The following HNRNPR variants were observed in gnomAD, a reference collection of about 807,000 sequenced individuals.
The protein encoded by HNRNPR is heterogeneous nuclear ribonucleoprotein R.
HNRNPR carries 4 observed loss-of-function variants against 70.3 expected under a neutral mutation model. That is an observed-to-expected ratio of 0.06 (90% CI 0.03 to 0.13). HNRNPR has a LOEUF of 0.13. Ranked by LOEUF, HNRNPR falls within the 10% of genes least tolerant of loss-of-function variation. HNRNPR has a pLI of 1.00. For synonymous variants in HNRNPR, 241 were observed against 267.6 expected, an observed-to-expected ratio of 0.90 and a Z score of 0.97; for missense variants, 423 against 788.5, an observed-to-expected ratio of 0.54 and a Z score of 5.55.
At chr1:23,336,592 A>G (rs2148474081) in intron 4 of HNRNPR, among the ~76,000 whole-genome samples, 1 of 149,412 alleles carries the variant, frequency 6.7e-6, no homozygotes, top group East Asian at 1.9e-4. Context: ...AAAAAAAAAA[A>G]AAAAAAAATT....
chr1:23,341,242 T>C (rs1646694588), intron 1 of HNRNPR, among the ~76,000 whole-genome samples: 1 of 152,194 alleles, frequency 6.6e-6, no homozygotes. Context: ...GAACTTCATG[T>C]ACACCGGGTA....
At chr1:23,320,707 G>A (rs1010704061) in intron 7 of HNRNPR, among the ~76,000 whole-genome samples, 1 of 151,940 alleles carries the variant, frequency 6.6e-6, no homozygotes, top group African/African-American at 2.4e-5. Flanking sequence ...GATCACAATT[G>A]GCATTTTAAA....
chr1:23,325,162 T>C (rs1300993173), intron 5 of HNRNPR, among the ~76,000 whole-genome samples: 1 of 152,072 alleles, frequency 6.6e-6, no homozygotes, highest in Non-Finnish European at 1.5e-5. Context: ...AAAAATTTTA[T>C]ATTAAAACAT....
intron 5 of HNRNPR, among the ~76,000 whole-genome samples, chr1:23,331,020 T>C (rs1289969325): frequency 6.6e-6 from 1 of 152,218 alleles, no homozygotes; most frequent in Non-Finnish European, 1.5e-5. Flanking sequence ...CACAATCTCA[T>C]GAACTTTAAC....
chr1:23,311,280 T>C lies in HNRNPR; in HGVS notation c.1210A>G (p.Ile404Val), dbSNP rs1260074434. Residue 404 changes from isoleucine (I) to valine (V), a missense_variant, in exon 10 of 11, where the codon ATT becomes GTT. Transcript: ENST00000302271. The part of the protein sequence containing the change: ...MNGKEIEGEE[I>V]EIVLAKPPDK... ...GGTGGCTTGGCTAAGACTATTTCAA[T>C]TTCTTCCCCTTCTATTTCTTTGCCA... The C allele has an allele frequency of 1.9e-6, 3 of 1,607,354 alleles. No individual in the cohort carries two copies. The highest frequency in any genetic ancestry group is 2.6e-6 in the Non-Finnish European group (3 of 1,174,048).
In HNRNPR at chr1:23,307,441, T is replaced by A. The variant is rs1645218999; in HGVS notation, c.*3013A>T. On this transcript the variant is annotated 3_prime_UTR_variant, in exon 11 of 11. Coordinates refer to ENST00000302271, the MANE Select transcript of HNRNPR (RefSeq NM_005826.5). ...TCAAAGTCAAAAGAGAGAAAAATTA[T>A]CTCCTACTATCAGAAAGCATTGGGC... 1 of 152,002 alleles carries A rather than the reference T, an allele frequency of 6.6e-6. No individual in the cohort carries two copies. Among genetic ancestry groups the A allele is most frequent in the Non-Finnish European group, 1.5e-5 (1 of 67,944 alleles). 9.4% of individuals were successfully genotyped at this position (152,002 alleles called of 1,614,324 possible).
At chr1:23,331,834 T>TTAAA (rs1404013850) in intron 5 of HNRNPR, among the ~76,000 whole-genome samples, 1 of 59,242 alleles carries the variant, frequency 1.7e-5, no homozygotes, top group African/African-American at 4.6e-5. Flanking sequence ...ACTGTTTCTT[T>TTAAA]AAAAAAAAAA....
chr1:23,321,824 C>A (rs370494002), intron 6 of HNRNPR, among the ~76,000 whole-genome samples, 161 bp from the exon 7 acceptor site: 1 of 152,184 alleles, frequency 6.6e-6, no homozygotes, highest in Non-Finnish European at 1.5e-5. Context: ...TTTTAAACTT[C>A]ATTGTTACAG....
chr1:23,324,879 G>C (rs988117694), intron 5 of HNRNPR, among the ~76,000 whole-genome samples: 1 of 152,232 alleles, frequency 6.6e-6, no homozygotes, highest in African/African-American at 2.4e-5. Context: ...GGTGGCTCAC[G>C]CCTGTAATCC....
At chr1:23,316,612 A>G (rs1259594332) in intron 8 of HNRNPR, among the ~76,000 whole-genome samples, 1 of 152,146 alleles carries the variant, frequency 6.6e-6, no homozygotes, top group Non-Finnish European at 1.5e-5. Flanking sequence ...CTATTTTAAA[A>G]TATTTTTACA....
At chr1:23,321,257 A>T (rs1645748286) in intron 7 of HNRNPR, among the ~76,000 whole-genome samples, 1 of 152,056 alleles carries the variant, frequency 6.6e-6, no homozygotes, top group Non-Finnish European at 1.5e-5. Flanking sequence ...GTCAAGGGGA[A>T]AAAAAGCATT....
rs888278569 is a variant in HNRNPR at position 23,318,462 on chromosome 1, A to G, written c.1017+21T>C. 6.3e-7 allele frequency: 1 copy of G among 1,596,920 alleles called. No individual in the cohort carries two copies. The highest frequency in any genetic ancestry group is 8.6e-7 in the Non-Finnish European group (1 of 1,164,396). On this transcript the variant is annotated intron_variant, in intron 8 of 10. Coordinates refer to ENST00000302271, the MANE Select transcript of HNRNPR (RefSeq NM_005826.5). The surrounding 1 kb of genome is among the most constrained non-coding windows in gnomAD (Gnocchi z 4.2). ...AAATTTAAATGATGACCCTATGCCC[A>G]TTCCAAGCAACTGTATTTACCTTAG...
chr1:23,330,262 C>T (rs866280023), intron 5 of HNRNPR, among the ~76,000 whole-genome samples: 9 of 152,102 alleles, frequency 5.9e-5, no homozygotes, highest in Middle Eastern at 3.4e-3. Context: ...CTTGGCCAGG[C>T]GAGGTTGCTC....
At chr1:23,317,569 G>A (rs867375086) in intron 8 of HNRNPR, among the ~76,000 whole-genome samples, 1 of 152,306 alleles carries the variant, frequency 6.6e-6, no homozygotes, top group African/African-American at 2.4e-5. Flanking sequence ...ACAGGAATCA[G>A]GAGGGAATTG....
At position 23,310,959 on chromosome 1, in the gene HNRNPR, C is replaced by T; in HGVS notation, c.1397G>A (p.Gly466Asp). 6.2e-7 allele frequency: 1 copy of T among 1,614,130 alleles called. No homozygotes were observed. Among genetic ancestry groups the T allele is most frequent in the Admixed American group, 1.7e-5 (1 of 60,016 alleles). The change falls in exon 11 of 11, where the codon GGC becomes GAC. Residue 466 changes from glycine to aspartate, a missense_variant. Gly to Asp is a moderately conservative substitution (Grantham distance 94, BLOSUM62 -1). Transcript: ENST00000302271. The surrounding 1 kb of genome is among the most constrained non-coding windows in gnomAD (Gnocchi z 6.0). ...GGYGYPPDYY[G>D]YEDYYDDYYG... ...GTAATCATCATAGTAATCTTCATAG[C>T]CGTAGTAATCTGGAGGGTAGCCATA... is the stretch of plus-strand genomic sequence containing the variant.
At chr1:23,338,407 C>T in intron 3 of HNRNPR, 83 bp downstream of exon 3, 1 of 567,350 alleles carries the variant, frequency 1.8e-6, no homozygotes, top group Non-Finnish European at 3.0e-6. Context: ...CAAAAAATAC[C>T]ACTTCTCCAT....
chr1:23,310,406 C>A lies in HNRNPR; in HGVS notation c.*48G>T, dbSNP rs766189888. On this transcript the variant is annotated 3_prime_UTR_variant, in exon 11 of 11. Coordinates refer to ENST00000302271, the MANE Select transcript of HNRNPR (RefSeq NM_005826.5). The surrounding 1 kb of genome is among the most constrained non-coding windows in gnomAD (Gnocchi z 6.0). ...ATTTTTTTTTTTGAAGAATGTAGAT[C>A]TAGAGCCAATCGTATCTTGCCAGTA... The A allele has an allele frequency of 1.3e-6, 2 of 1,509,222 alleles. No individual in the cohort carries two copies. Among genetic ancestry groups the A allele is most frequent in the Non-Finnish European group, 8.8e-7 (1 of 1,131,500 alleles). 93.5% of individuals were successfully genotyped at this position (1,509,222 alleles called of 1,614,324 possible).
At chr1:23,311,351 A>G (rs1557818403) in intron 9 of HNRNPR, 29 bp from the exon 10 acceptor site, 1 of 1,374,596 alleles carries the variant, frequency 7.3e-7, no homozygotes, top group Middle Eastern at 1.9e-4. Context: ...ATTATTTTAC[A>G]ACGATATAAA....
chr1:23,318,403 A>G lies in HNRNPR; in HGVS notation c.1017+80T>C. ...AAAGCTACAATTTCTATTTATCATA[A>G]AACTCAAAATATTTGAGCTTTATTC... On this transcript the variant is annotated intron_variant, in intron 8 of 10. Coordinates refer to ENST00000302271, the MANE Select transcript of HNRNPR (RefSeq NM_005826.5). The surrounding 1 kb of genome is among the most constrained non-coding windows in gnomAD (Gnocchi z 4.2). The G allele has an allele frequency of 4.9e-6, 6 of 1,231,774 alleles. No individual in the cohort carries two copies. Among genetic ancestry groups the G allele is most frequent in the South Asian group, 3.9e-5 (3 of 76,560 alleles). The allele number at this position is 1,231,774 out of a possible 1,614,324, so 76.3% of individuals were successfully genotyped here.
Sources: gnomAD v4.1 joint callset for allele counts (sites outside exome capture counted in the v4.1 genomes callset) on GRCh38, gnomAD v4.1.1 for gene constraint, Gnocchi (gnomAD v3.1) non-coding constraint, MANE v1.5 for transcripts, NCBI Gene and HGNC (gene_info 2026-07-23, HGNC 2026-07-21) for gene names.